Variants in SRPK2 observed in about 807,000 individuals in gnomAD.
SRPK2 encodes SFRS protein kinase 2.
In SRPK2, 21 loss-of-function variants were observed where a neutral mutation model predicts 90.8. The ratio of observed to expected loss-of-function variants is 0.23; its 90% confidence interval spans 0.16 to 0.33. The LOEUF (loss-of-function observed/expected upper bound fraction) is 0.33. Ranked by LOEUF, SRPK2 falls within the 10% of genes least tolerant of loss-of-function variation. The probability of loss-of-function intolerance (pLI) is 1.00; values close to 1 mark genes in which losing one functional copy is unlikely to be tolerated. For missense variants in SRPK2, 620 were observed against 869.0 expected (o/e 0.71, Z 3.60); for synonymous variants, 288 against 311.1 (o/e 0.93, Z 0.78).
At chr7:105,166,839 T>C (rs1022715328) in intron 6 of SRPK2, among the ~76,000 whole-genome samples, 2 of 152,232 alleles carry the variant, frequency 1.3e-5, no homozygotes, top group South Asian at 2.1e-4. Context: ...AGGACAATTA[T>C]TTGAAAGGCT....
At chr7:105,324,570 T>C (rs1251327217) in intron 2 of SRPK2, among the ~76,000 whole-genome samples, 2 of 152,162 alleles carry the variant, frequency 1.3e-5, no homozygotes, top group South Asian at 4.1e-4. Context: ...CTGAGGACTG[T>C]TGCTGTTTTA....
At chr7:105,204,108 G>A (rs538487579) in intron 2 of SRPK2, among the ~76,000 whole-genome samples, 52 of 152,286 alleles carry the variant, frequency 3.4e-4, no homozygotes, top group Non-Finnish European at 6.3e-4. Flanking sequence ...GGAAATTTAA[G>A]TGAAATGAAA....
intron 10 of SRPK2, 97 bp downstream of exon 10, chr7:105,142,987 C>A: frequency 2.0e-6 from 3 of 1,465,210 alleles, no homozygotes; most frequent in Non-Finnish European, 2.8e-6. Flanking sequence ...TTGTCATCTG[C>A]AGCAGCAGCA....
At position 105,369,125 on chromosome 7, in the gene SRPK2, T is replaced by TTTTTTATTATTATTA. The variant is rs1248245096; in HGVS notation, c.71+19522_71+19523insTAATAATAATAAAAA. ...TAATAGAGTTCTACACAAGATTTAT[T>TTTTTTATTATTATTA]TTATTATTATTATTATTATTATTAT... On this transcript the variant is annotated intron_variant, in intron 2 of 15. Coordinates refer to ENST00000393651, the MANE Select transcript of SRPK2 (RefSeq NM_182692.3). Among the ~76,000 whole-genome samples the TTTTTTATTATTATTA allele has an allele frequency of 5.6e-5, 8 of 143,322 alleles. No individual in the cohort carries two copies. In the South Asian group the frequency reaches 1.8e-3, roughly 32 times the overall value. The allele number at this position is 143,322 out of a possible 152,430, so 94.0% of individuals were successfully genotyped here. A position where few individuals can be genotyped will look rare whatever the true frequency, so the allele number is the denominator to read the frequency against.
At chr7:105,343,620 C>T (rs1287507818) in intron 2 of SRPK2, among the ~76,000 whole-genome samples, 1 of 151,972 alleles carries the variant, frequency 6.6e-6, no homozygotes, top group Non-Finnish European at 1.5e-5. Context: ...CTTTAATTTC[C>T]TACATACGTT....
chr7:105,160,722 A>G (rs1384957924), intron 6 of SRPK2, 109 bp from the exon 7 acceptor site: 1 of 604,736 alleles, frequency 1.7e-6, no homozygotes, highest in East Asian at 2.7e-5. Flanking sequence ...TATAAAATAC[A>G]ACATCAACCC....
intron 2 of SRPK2, among the ~76,000 whole-genome samples, chr7:105,251,433 G>A (rs1235263424): frequency 6.6e-6 from 1 of 151,982 alleles, no homozygotes; most frequent in Non-Finnish European, 1.5e-5. Flanking sequence ...TGAACTCCTG[G>A]GGTCAAGCTA....
intron 2 of SRPK2, chr7:105,206,047 G>A: frequency 1.9e-6 from 1 of 517,616 alleles, no homozygotes; most frequent in Non-Finnish European, 3.9e-6. Context: ...TGGATTCTTG[G>A]ACTGGATAAT....
At chr7:105,378,214 T>C (rs1820532392) in intron 2 of SRPK2, among the ~76,000 whole-genome samples, 1 of 143,604 alleles carries the variant, frequency 7.0e-6, no homozygotes, top group South Asian at 2.2e-4. Context: ...ACTTGGAGAA[T>C]TACTGGTTCT....
chr7:105,131,155 A>G (rs2129574741), intron 13 of SRPK2, among the ~76,000 whole-genome samples: 1 of 152,350 alleles, frequency 6.6e-6, no homozygotes, highest in South Asian at 2.1e-4. Flanking sequence ...CCAAATTAGA[A>G]GCACAGCATT....
intron 2 of SRPK2, among the ~76,000 whole-genome samples, chr7:105,374,659 C>G (rs888760111): frequency 1.3e-5 from 2 of 152,104 alleles, no homozygotes; most frequent in African/African-American, 4.8e-5. Context: ...GGTTGGAGTG[C>G]AATGGCGCCA....
At position 105,247,027 on chromosome 7, in the gene SRPK2, G is replaced by T. The variant is rs75666877; in HGVS notation, c.72-43242C>A. Among the ~76,000 whole-genome samples the T allele has an allele frequency of 2.4e-3, 360 of 152,226 alleles. 1 individual carries two copies. Among genetic ancestry groups the T allele is most frequent in the Middle Eastern group, 6.8e-3 (2 of 294 alleles). On this transcript the variant is annotated intron_variant, in intron 2 of 15. Transcript: ENST00000393651. Reference sequence around the variant, plus strand: ...CTGGAGTGGGCCTGTGCCTCCTAAGGGCATTCACATTCAGTCTTCTGTAGA... The same window carrying T: ...CTGGAGTGGGCCTGTGCCTCCTAAGTGCATTCACATTCAGTCTTCTGTAGA...
chr7:105,127,441 A>G (rs1468339265), intron 13 of SRPK2, among the ~76,000 whole-genome samples: 1 of 152,224 alleles, frequency 6.6e-6, no homozygotes, highest in Non-Finnish European at 1.5e-5. Flanking sequence ...CTCAACCACT[A>G]TAATAGCCTT....
intron 3 of SRPK2, among the ~76,000 whole-genome samples, chr7:105,173,195 T>C (rs1016065638): frequency 1.6e-4 from 25 of 152,134 alleles, no homozygotes; most frequent in African/African-American, 5.6e-4. Flanking sequence ...CAGGGCTTAC[T>C]ACATCCTTGA....
At chr7:105,204,860 T>C in intron 2 of SRPK2, 1 of 452,706 alleles carries the variant, frequency 2.2e-6, no homozygotes, top group Non-Finnish European at 4.3e-6. Context: ...ACCTAAGCCC[T>C]AGTTGTTGAG....
At chr7:105,307,289 A>C (rs1811246271) in intron 2 of SRPK2, among the ~76,000 whole-genome samples, 1 of 152,212 alleles carries the variant, frequency 6.6e-6, no homozygotes, top group Non-Finnish European at 1.5e-5. Flanking sequence ...TCAAGCAAGA[A>C]AGCTTTATTA....
intron 2 of SRPK2, among the ~76,000 whole-genome samples, chr7:105,293,935 A>G (rs1308018154): frequency 6.6e-6 from 1 of 152,188 alleles, no homozygotes; most frequent in Non-Finnish European, 1.5e-5. Flanking sequence ...ATCCCAGTTT[A>G]TCTTTTCCAG....
At chr7:105,122,060 T>C (rs1373730139) in intron 15 of SRPK2, among the ~76,000 whole-genome samples, 1 of 152,162 alleles carries the variant, frequency 6.6e-6, no homozygotes, top group African/African-American at 2.4e-5. Flanking sequence ...AATGAAGAGA[T>C]CTGAATGAAT....
chr7:105,133,712 C>T (rs1404435208), intron 11 of SRPK2, among the ~76,000 whole-genome samples: 1 of 152,210 alleles, frequency 6.6e-6, no homozygotes, highest in Non-Finnish European at 1.5e-5. Context: ...CTAAACTATT[C>T]TGGTTTTGTT....
Sources: allele counts gnomAD v4.1 joint callset (sites outside exome capture counted in the v4.1 genomes callset), GRCh38; gene constraint gnomAD v4.1.1; transcripts MANE v1.5; gene names NCBI Gene and HGNC (gene_info 2026-07-23, HGNC 2026-07-21).